The following EPHB2 variants were observed in gnomAD, a reference collection of about 807,000 sequenced individuals.
The protein encoded by EPHB2 is EPH receptor B2.
A neutral mutation model predicts 96.4 loss-of-function variants in EPHB2; 18 were observed. That is an observed-to-expected ratio of 0.19 (90% CI 0.13 to 0.28). The LOEUF (loss-of-function observed/expected upper bound fraction) is 0.28, where lower values mean the gene tolerates loss of function less well. Ranked by LOEUF, EPHB2 falls within the 10% of genes least tolerant of loss-of-function variation. The probability of loss-of-function intolerance (pLI) is 1.00; values close to 1 mark genes in which losing one functional copy is unlikely to be tolerated. For missense variants in EPHB2, 989 were observed against 1,355.4 expected (o/e 0.73, Z 4.25); for synonymous variants, 506 against 534.1 (o/e 0.95, Z 0.72).
intron 1 of EPHB2, among the ~76,000 whole-genome samples, chr1:22,766,823 G>A (rs1296352529): frequency 6.6e-6 from 1 of 152,234 alleles, no homozygotes; most frequent in Non-Finnish European, 1.5e-5. Flanking sequence ...TGACTGGGCT[G>A]CCCCAGGCTG....
chr1:22,820,038 C>G (rs1389037629), intron 3 of EPHB2, among the ~76,000 whole-genome samples: 1 of 152,144 alleles, frequency 6.6e-6, no homozygotes, highest in Non-Finnish European at 1.5e-5. Flanking sequence ...AACCCCACCC[C>G]AGACCCTCCC....
rs1645542680 is a variant in EPHB2, at chr1:22,846,417, G to C, written c.812-16620G>C. On this transcript the variant is annotated intron_variant, in intron 3 of 15. Coordinates refer to ENST00000374630, the MANE Select transcript of EPHB2 (RefSeq NM_017449.5). The surrounding 1 kb of genome is among the most constrained non-coding windows in gnomAD (Gnocchi z 4.3). ...GGCCACAGAGTGAGAGTGAGACTCT[G>C]TCTCAAAAAAAAAAAAAAAGAAAAG... Among the ~76,000 whole-genome samples the C allele has an allele frequency of 8.4e-6, 1 of 118,998 alleles. No homozygotes were observed. Among genetic ancestry groups the C allele is most frequent in the Admixed American group, 8.9e-5 (1 of 11,294 alleles). 78.1% of individuals were successfully genotyped at this position (118,998 alleles called of 152,430 possible).
intron 3 of EPHB2, among the ~76,000 whole-genome samples, chr1:22,841,077 C>T (rs1645460573): frequency 6.6e-6 from 1 of 151,572 alleles, no homozygotes; most frequent in South Asian, 2.1e-4. Flanking sequence ...GTGCCCACCA[C>T]ATAGCAGGTT....
At chr1:22,817,036 T>C (rs934889809) in intron 3 of EPHB2, among the ~76,000 whole-genome samples, 1 of 152,186 alleles carries the variant, frequency 6.6e-6, no homozygotes, top group Non-Finnish European at 1.5e-5. Flanking sequence ...GTTAAATGCA[T>C]CGTGCCTTCC....
chr1:22,897,587 G>T (rs2124025982), intron 9 of EPHB2, among the ~76,000 whole-genome samples: 1 of 151,258 alleles, frequency 6.6e-6, no homozygotes, highest in Non-Finnish European at 1.5e-5. Context: ...CAGGAGTTGA[G>T]ACCAGCCTTG....
At chr1:22,826,389 CA>C (rs1196637264) in intron 3 of EPHB2, among the ~76,000 whole-genome samples, 1 of 152,114 alleles carries the variant, frequency 6.6e-6, no homozygotes, top group East Asian at 1.9e-4. Context: ...GAGAGGGTCC[CA>C]AATATATTCT....
intron 3 of EPHB2, among the ~76,000 whole-genome samples, chr1:22,802,192 A>G (rs77114536): frequency 0.019 from 2,928 of 152,178 alleles, 97 homozygotes; most frequent in African/African-American, 0.061. Context: ...AGCCTGGCCT[A>G]TAGGAGGCCC....
At chr1:22,819,889 A>C (rs1322909161) in intron 3 of EPHB2, among the ~76,000 whole-genome samples, 2 of 151,910 alleles carry the variant, frequency 1.3e-5, no homozygotes, top group Non-Finnish European at 2.9e-5. Context: ...CAGTTAGACC[A>C]AAAGATGAGT....
Position 22,741,696 on chromosome 1 carries a change from A to AAAAAAAAAAAAAC in EPHB2, c.61+30653_61+30654insAAAAAAAAAAAAC, listed in dbSNP as rs55743842. On this transcript the variant is annotated intron_variant, in intron 1 of 15. Transcript: ENST00000374630. ...CTTCCCAGCAAAAAAAAACAAAAAA[A>AAAAAAAAAAAAAC]CAAAAAACCTCAGTTTCTCACGTTG... Among the ~76,000 whole-genome samples the AAAAAAAAAAAAAC allele has an allele frequency of 3.8e-3, 516 of 137,202 alleles. 14 individuals are homozygous for AAAAAAAAAAAAAC. The highest frequency in any genetic ancestry group is 0.012 in the African/African-American group (461 of 37,882). 90.0% of individuals were successfully genotyped at this position (137,202 alleles called of 152,430 possible).
At chr1:22,890,132 T>C (rs1639345569) in intron 6 of EPHB2, among the ~76,000 whole-genome samples, 1 of 152,088 alleles carries the variant, frequency 6.6e-6, no homozygotes, top group African/African-American at 2.4e-5. Flanking sequence ...AAGGACTTTG[T>C]GTGAGGGACC....
intron 3 of EPHB2, among the ~76,000 whole-genome samples, chr1:22,819,287 C>T (rs4601555): frequency 0.74 from 109,542 of 148,864 alleles, 41,095 homozygotes; most frequent in Middle Eastern, 0.82. Flanking sequence ...CCTTGAAACT[C>T]CATCTCCGGC....
chr1:22,717,469 C>G (rs1349950993), intron 1 of EPHB2, among the ~76,000 whole-genome samples: 1 of 152,208 alleles, frequency 6.6e-6, no homozygotes, highest in Non-Finnish European at 1.5e-5. Flanking sequence ...CATCTGCCCC[C>G]CTGCTGCAGC....
In EPHB2 at chr1:22,846,628, ACT is replaced by A. The variant is rs1348884284; in HGVS notation, c.812-16406_812-16405del. Reference sequence around the variant, plus strand: ...GTGTCCTGCATCTCTGCAACCATAGACTCTGGGTTCCAGCTGCCTCAAACGAG... The same window carrying A: ...GTGTCCTGCATCTCTGCAACCATAGACTGGGTTCCAGCTGCCTCAAACGAG... On this transcript the variant is annotated intron_variant, in intron 3 of 15. Coordinates refer to ENST00000374630, the MANE Select transcript of EPHB2 (RefSeq NM_017449.5). The surrounding 1 kb of genome is among the most constrained non-coding windows in gnomAD (Gnocchi z 4.3). 6.6e-6 allele frequency among the ~76,000 whole-genome samples: 1 copy of A among 151,678 alleles called. No individual in the cohort carries two copies. Among genetic ancestry groups the A allele is most frequent in the African/African-American group, 2.4e-5 (1 of 41,244 alleles).
At chr1:22,891,487 C>A (rs542469992) in intron 6 of EPHB2, among the ~76,000 whole-genome samples, 1 of 152,248 alleles carries the variant, frequency 6.6e-6, no homozygotes, top group African/African-American at 2.4e-5. Flanking sequence ...AGGGCCTGTG[C>A]CTTAGCTCCC....
chr1:22,781,793 G>A (rs546310403), intron 2 of EPHB2, among the ~76,000 whole-genome samples: 51 of 152,214 alleles, frequency 3.4e-4, no homozygotes, highest in African/African-American at 1.0e-3. Context: ...GTGAACTGTC[G>A]TTTCCTGAGT....
chr1:22,725,967 C>G (rs1021950957), intron 1 of EPHB2, among the ~76,000 whole-genome samples: 1 of 152,198 alleles, frequency 6.6e-6, no homozygotes, highest in African/African-American at 2.4e-5. Flanking sequence ...TCTGGGATAG[C>G]ACACTCCGTC....
rs200099574 is a variant in EPHB2, at chr1:22,896,471, T to C, written c.1758T>C (p.Ser586=). The part of the protein sequence containing the change: ...EYTDKLQHYT[S]GHMTPGMKIY... ...CGGACAAGCTGCAACACTACACCAG[T>C]GGCCACAGTATGTACACACCCAAGC... Residue 586 remains serine, a synonymous_variant, in exon 9 of 16, where the codon AGT becomes AGC. Transcript: ENST00000374630. The C allele has an allele frequency of 1.5e-5, 24 of 1,614,016 alleles. No individual in the cohort carries two copies. The highest frequency in any genetic ancestry group is 1.9e-5 in the Non-Finnish European group (23 of 1,180,024).
chr1:22,891,879 T>C (rs1639402217), intron 6 of EPHB2, among the ~76,000 whole-genome samples: 1 of 151,924 alleles, frequency 6.6e-6, no homozygotes, highest in Non-Finnish European at 1.5e-5. Flanking sequence ...ACTGTGGCCT[T>C]GACCTCCCAA....
intron 1 of EPHB2, among the ~76,000 whole-genome samples, chr1:22,769,879 A>AGGGAGGGAGGTTGCTT (rs1553162632): frequency 1.3e-5 from 2 of 152,166 alleles, no homozygotes; most frequent in Non-Finnish European, 2.9e-5. Flanking sequence ...GAAGAGAGGT[A>AGGGAGGGAGGTTGCTT]GGGAGGGAGG....
Sources: gnomAD v4.1 joint callset for allele counts (sites outside exome capture counted in the v4.1 genomes callset) on GRCh38, gnomAD v4.1.1 for gene constraint, Gnocchi (gnomAD v3.1) non-coding constraint, MANE v1.5 for transcripts, NCBI Gene and HGNC (gene_info 2026-07-23, HGNC 2026-07-21) for gene names.